Variants in TESC observed in about 807,000 individuals in gnomAD.
The protein encoded by TESC is tescalcin, also known as calcineurin B homologous protein 3.
In TESC, 19 loss-of-function variants were observed where a neutral mutation model predicts 31.0. The observed-to-expected ratio is 0.61, with a 90% confidence interval of 0.43 to 0.90. The LOEUF (loss-of-function observed/expected upper bound fraction) is 0.90. Ranked by LOEUF, TESC falls within the 40% of genes least tolerant of loss-of-function variation. TESC has a pLI of 0.00. For missense variants in TESC, 248 were observed against 303.8 expected, an observed-to-expected ratio of 0.82 and a Z score of 1.36; for synonymous variants, 109 against 114.8, an observed-to-expected ratio of 0.95 and a Z score of 0.32.
At chr12:117,046,452 G>T in intron 6 of TESC, 107 bp downstream of exon 6, 1 of 1,091,418 alleles carries the variant, frequency 9.2e-7, no homozygotes, top group Non-Finnish European at 1.3e-6. Flanking sequence ...CACAGGTAGA[G>T]CAGGTGGCAG....
chr12:117,093,271 A>G (rs990555710), intron 1 of TESC, among the ~76,000 whole-genome samples: 9 of 152,240 alleles, frequency 5.9e-5, no homozygotes, highest in Non-Finnish European at 1.2e-4. Flanking sequence ...GGCCACTTAA[A>G]GACTTTAGAA....
chr12:117,071,735 C>T (rs745328757), intron 2 of TESC, among the ~76,000 whole-genome samples: 16 of 152,240 alleles, frequency 1.1e-4, no homozygotes, highest in Non-Finnish European at 1.6e-4. Context: ...GCAGGACCAA[C>T]GGCTCACATT....
intron 3 of TESC, among the ~76,000 whole-genome samples, chr12:117,055,896 T>C (rs1349659927): frequency 1.3e-5 from 2 of 151,860 alleles, no homozygotes; most frequent in African/African-American, 4.8e-5. Context: ...ATAAATGCTT[T>C]CTAGTTTTCC....
chr12:117,057,034 A>G, intron 2 of TESC, 148 bp from the exon 3 acceptor site: 2 of 740,258 alleles, frequency 2.7e-6, no homozygotes, highest in Non-Finnish European at 2.3e-6. Flanking sequence ...GAACTGGAAT[A>G]CGCTTCACTT....
At chr12:117,087,448 C>T (rs2173651) in intron 1 of TESC, among the ~76,000 whole-genome samples, 81,495 of 151,970 alleles carry the variant, frequency 0.54, 23,056 homozygotes, top group African/African-American at 0.72. Flanking sequence ...AGGATCTCTG[C>T]GGGTTTTTTC....
rs1401695484 is a variant in TESC, at chr12:117,075,903, A to ATG, written c.59-564_59-563insCA. On this transcript the variant is annotated intron_variant, in intron 1 of 7. Transcript: ENST00000335209. ...TATATATATATATATATATATATATATATATATATATGTGTGTGTGTATAT... is the reference window on the plus strand; with the variant it reads ...TATATATATATATATATATATATATATGTATATATATATGTGTGTGTGTATAT... Among the ~76,000 whole-genome samples, 11 of 82,794 alleles carry ATG rather than the reference A, an allele frequency of 1.3e-4. 1 individual carries two copies. The highest frequency in any genetic ancestry group is 6.7e-4 in the African/African-American group (8 of 11,952). 54.3% of individuals were successfully genotyped at this position (82,794 alleles called of 152,430 possible).
chr12:117,066,175 T>C (rs1235567226), intron 2 of TESC, among the ~76,000 whole-genome samples: 5 of 148,092 alleles, frequency 3.4e-5, no homozygotes, highest in African/African-American at 1.3e-4. Context: ...AGGGGATGGC[T>C]GTCTGCCCTG....
chr12:117,041,870 G>A (rs1954488339), intron 7 of TESC, 77 bp downstream of exon 7: 1 of 1,436,706 alleles, frequency 7.0e-7, no homozygotes, highest in Non-Finnish European at 9.4e-7. Flanking sequence ...CAGGTAAAGA[G>A]CCATGTCCCC....
At chr12:117,082,489 T>G in intron 1 of TESC, among the ~76,000 whole-genome samples, 1 of 143,120 alleles carries the variant, frequency 7.0e-6, no homozygotes, top group Non-Finnish European at 1.5e-5. Flanking sequence ...GGGACAAGAG[T>G]GAGACTTTGT....
intron 1 of TESC, among the ~76,000 whole-genome samples, chr12:117,090,710 C>T (rs550762003): frequency 6.6e-5 from 10 of 152,164 alleles, no homozygotes; most frequent in Non-Finnish European, 1.5e-4. Flanking sequence ...CATAGTGGGA[C>T]TCTGGCTGAG....
At chr12:117,043,198 T>C (rs1444034993) in intron 6 of TESC, among the ~76,000 whole-genome samples, 2 of 152,012 alleles carry the variant, frequency 1.3e-5, no homozygotes, top group South Asian at 4.2e-4. Flanking sequence ...ATCGGTTCGA[T>C]TATGTTTTGC....
intron 4 of TESC, among the ~76,000 whole-genome samples, chr12:117,047,718 T>C (rs10850746): frequency 0.45 from 68,292 of 151,458 alleles, 17,772 homozygotes; most frequent in African/African-American, 0.73. Context: ...GCCACCGTGC[T>C]CAGCCGGCAT....
chr12:117,058,655 ATTGT>A (rs1954762785), intron 2 of TESC, among the ~76,000 whole-genome samples: 2 of 148,088 alleles, frequency 1.4e-5, no homozygotes, highest in African/African-American at 5.0e-5. Flanking sequence ...AGGCAAGAGG[ATTGT>A]TTAAGCCCAG....
intron 2 of TESC, among the ~76,000 whole-genome samples, chr12:117,058,559 A>G (rs1954761023): frequency 7.3e-6 from 1 of 137,212 alleles, no homozygotes; most frequent in South Asian, 2.2e-4. Context: ...ATTTCAGTAA[A>G]GCTGTTAAAA....
rs191313624 is a variant in TESC, at chr12:117,077,945, G to A, written c.59-2605C>T. On this transcript the variant is annotated intron_variant, in intron 1 of 7. Transcript: ENST00000335209. ...CTGTTCTGGATATGCACTATATCAC[G>A]ACAAAACATTTACTAAAAAAAAAAT... Among the ~76,000 whole-genome samples the A allele has an allele frequency of 4.9e-4, 74 of 151,950 alleles. 1 individual carries two copies. In the East Asian group the frequency reaches 0.013, roughly 27 times the overall value.
At chr12:117,046,051 C>T (rs1335287302) in intron 6 of TESC, among the ~76,000 whole-genome samples, 2 of 152,344 alleles carry the variant, frequency 1.3e-5, no homozygotes, top group East Asian at 3.9e-4. Context: ...GGCCACTTCC[C>T]TCTCTTCTGT....
intron 3 of TESC, among the ~76,000 whole-genome samples, chr12:117,049,667 G>A (rs376728017): frequency 6.8e-5 from 10 of 146,320 alleles, no homozygotes; most frequent in African/African-American, 2.2e-4. Flanking sequence ...CTGGGAGGCC[G>A]AGGTGGGCAG....
In TESC at chr12:117,056,745, C is replaced by T. The variant is rs144133569; in HGVS notation, c.209+61G>A. 2.6e-6 allele frequency: 4 copies of T among 1,548,322 alleles called. No homozygotes were observed. The East Asian group carries it at 9.0e-5, about 35-fold the overall frequency. ...AGGGTCATTCTAGGAAACAAGTATCCCGAGATGTTACACAAGACAAGGGTG... is the reference window on the plus strand; with the variant it reads ...AGGGTCATTCTAGGAAACAAGTATCTCGAGATGTTACACAAGACAAGGGTG... On this transcript the variant is annotated intron_variant, in intron 3 of 7. Coordinates refer to ENST00000335209, the MANE Select transcript of TESC (RefSeq NM_017899.4).
intron 1 of TESC, among the ~76,000 whole-genome samples, chr12:117,075,867 A>ATGTGTGTG (rs1565971372): frequency 6.6e-5 from 2 of 30,108 alleles, no homozygotes; most frequent in African/African-American, 1.3e-4. Flanking sequence ...ATATATATAT[A>ATGTGTGTG]TATGTGTGTA....
Sources: gnomAD v4.1 joint callset for allele counts (sites outside exome capture counted in the v4.1 genomes callset) on GRCh38, gnomAD v4.1.1 for gene constraint, MANE v1.5 for transcripts, NCBI Gene and HGNC (gene_info 2026-07-23, HGNC 2026-07-21) for gene names.